The following PRKACB variants were observed in gnomAD, a reference collection of about 807,000 sequenced individuals.
PRKACB encodes the protein protein kinase cAMP-activated catalytic subunit beta, also known as cAMP-dependent protein kinase catalytic subunit beta.
A neutral mutation model predicts 51.4 loss-of-function variants in PRKACB; 16 were observed. The ratio of observed to expected loss-of-function variants is 0.31; its 90% CI spans 0.21 to 0.47. The LOEUF is 0.47. Ranked by LOEUF, PRKACB falls within the 20% of genes least tolerant of loss-of-function variation. PRKACB has a pLI of 1.00. For missense variants in PRKACB, 309 were observed against 464.5 expected (o/e 0.67, Z 3.08); for synonymous variants, 147 against 154.4 (o/e 0.95, Z 0.35).
chr1:84,140,140 A>G (rs1416423581), upstream of PRKACB, among the ~76,000 whole-genome samples: 2 of 152,232 alleles, frequency 1.3e-5, no homozygotes, highest in Non-Finnish European at 2.9e-5. Context: ...TCAAGACAGT[A>G]TAGTATTGGT....
chr1:84,115,549 G>C (rs1650564751), intron 1 of PRKACB, among the ~76,000 whole-genome samples: 1 of 151,080 alleles, frequency 6.6e-6, no homozygotes, highest in South Asian at 2.1e-4. Context: ...TTTGTCTATT[G>C]GTGTTTTTGT....
At chr1:84,093,285 C>T (rs1032624299) in intron 1 of PRKACB, among the ~76,000 whole-genome samples, 2 of 151,788 alleles carry the variant, frequency 1.3e-5, no homozygotes, top group African/African-American at 4.8e-5. Context: ...CTCTCTCTCT[C>T]TCTCTCTGTG....
At chr1:84,099,024 A>G (rs2100800750) in intron 1 of PRKACB, among the ~76,000 whole-genome samples, 1 of 152,248 alleles carries the variant, frequency 6.6e-6, no homozygotes, top group Non-Finnish European at 1.5e-5. Flanking sequence ...GAAATGGGCT[A>G]AGGGTATGAT....
intron 8 of PRKACB, among the ~76,000 whole-genome samples, chr1:84,210,852 G>A (rs1161973749): frequency 6.6e-6 from 1 of 151,976 alleles, no homozygotes; most frequent in Non-Finnish European, 1.5e-5. Flanking sequence ...TCTTTGAAAA[G>A]TTCAGTCAAC....
exon 1 of PRKACB, chr1:84,078,154 G>C: frequency 4.7e-6 from 3 of 636,046 alleles, no homozygotes; most frequent in Non-Finnish European, 7.5e-6. Context: ...GTTCGCTGGA[G>C]CCCTTTCCTC....
At chr1:84,219,100 C>T (rs1486670785) in intron 9 of PRKACB, among the ~76,000 whole-genome samples, 1 of 152,128 alleles carries the variant, frequency 6.6e-6, no homozygotes, top group Non-Finnish European at 1.5e-5. Flanking sequence ...TGTCTCTTTA[C>T]TCTTTTGAAT....
At position 84,184,027 on chromosome 1, in the gene PRKACB, TCA is replaced by T. The variant is rs763756044; in HGVS notation, c.379-9_379-8del. Reference sequence around the variant, plus strand: ...AAATACATTAAGAGATATTTATCTCTCAATTACAGGTTGTTAAACTGAAGCAA... The same window carrying T: ...AAATACATTAAGAGATATTTATCTCTATTACAGGTTGTTAAACTGAAGCAA... On this transcript the variant is annotated splice_polypyrimidine_tract_variant and splice_region_variant and intron_variant, in intron 3 of 9. Transcript: ENST00000370685. 5 of 1,566,460 alleles carry T rather than the reference TCA, an allele frequency of 3.2e-6. No homozygotes were observed. In the South Asian group the frequency reaches 6.2e-5, roughly 19 times the overall value.
At chr1:84,160,563 T>TAATAC (rs1656054646) in intron 1 of PRKACB, among the ~76,000 whole-genome samples, 1 of 147,584 alleles carries the variant, frequency 6.8e-6, no homozygotes. Flanking sequence ...ATATATAATA[T>TAATAC]AATACTATAA....
intron 1 of PRKACB, among the ~76,000 whole-genome samples, chr1:84,155,717 C>T (rs1156965112): frequency 3.3e-5 from 5 of 152,112 alleles, no homozygotes; most frequent in African/African-American, 7.2e-5. Context: ...TTGAATATTA[C>T]TTTCATGTCC....
intron 1 of PRKACB, among the ~76,000 whole-genome samples, chr1:84,147,801 G>C (rs1406758758): frequency 1.3e-5 from 2 of 151,980 alleles, no homozygotes; most frequent in African/African-American, 4.8e-5. Flanking sequence ...TGAACATTTA[G>C]AACTTACTTA....
intron 1 of PRKACB, among the ~76,000 whole-genome samples, chr1:84,085,100 A>C (rs533861531): frequency 6.6e-6 from 1 of 152,220 alleles, no homozygotes; most frequent in Non-Finnish European, 1.5e-5. Context: ...GATGAGAACA[A>C]TGTAACTTTT....
intron 1 of PRKACB, among the ~76,000 whole-genome samples, chr1:84,091,554 A>G (rs543729244): frequency 1.1e-4 from 17 of 151,908 alleles, no homozygotes; most frequent in Non-Finnish European, 5.9e-5. Flanking sequence ...CCCAGGCTGG[A>G]GTGCAGTGGT....
chr1:84,208,064 C>T lies in PRKACB; in HGVS notation c.906+5259C>T, dbSNP rs113961728. Among the ~76,000 whole-genome samples, 333 of 152,082 alleles carry T rather than the reference C, an allele frequency of 2.2e-3. 3 individuals carry two copies. The highest frequency in any genetic ancestry group is 7.6e-3 in the African/African-American group (317 of 41,544). On this transcript the variant is annotated intron_variant, in intron 8 of 9. Transcript: ENST00000370685. Reference sequence around the variant, plus strand: ...TGTGTTTTTAGTAGGGACAGGGTTTCACCATGTTGGCCAGGCTGGTTTTGA... The same window carrying T: ...TGTGTTTTTAGTAGGGACAGGGTTTTACCATGTTGGCCAGGCTGGTTTTGA...
chr1:84,156,010 A>G (rs1243638361), intron 1 of PRKACB, among the ~76,000 whole-genome samples: 1 of 152,022 alleles, frequency 6.6e-6, no homozygotes, highest in Non-Finnish European at 1.5e-5. Context: ...TTTTTTGGAG[A>G]CAGGGTCTTG....
intron 4 of PRKACB, among the ~76,000 whole-genome samples, chr1:84,184,503 G>A (rs1337520115): frequency 1.3e-5 from 2 of 151,604 alleles, no homozygotes; most frequent in African/African-American, 2.4e-5. Flanking sequence ...CTTTTACTTA[G>A]TAATTTGAGT....
chr1:84,096,749 A>G (rs1030464513), intron 1 of PRKACB, among the ~76,000 whole-genome samples: 1 of 152,040 alleles, frequency 6.6e-6, no homozygotes, highest in Non-Finnish European at 1.5e-5. Context: ...TTCTTTTTGT[A>G]AATCTGTGCA....
At chr1:84,205,342 GTC>G in intron 8 of PRKACB, 3 of 910,700 alleles carry the variant, frequency 3.3e-6, no homozygotes, top group Non-Finnish European at 3.9e-6. Flanking sequence ...AAATATTATT[GTC>G]TCTCTGGTTA....
At chr1:84,175,078 A>C in intron 1 of PRKACB, 3 of 1,437,836 alleles carry the variant, frequency 2.1e-6, no homozygotes, top group Non-Finnish European at 2.7e-6. Flanking sequence ...CTTTTTAATA[A>C]AACAAATATT....
intron 8 of PRKACB, among the ~76,000 whole-genome samples, chr1:84,212,939 A>G (rs1317828373): frequency 6.6e-6 from 1 of 152,200 alleles, no homozygotes; most frequent in Non-Finnish European, 1.5e-5. Flanking sequence ...ACTATAGCAT[A>G]GTTGAATAAA....
Sources: allele counts gnomAD v4.1 joint callset (sites outside exome capture counted in the v4.1 genomes callset), GRCh38; gene constraint gnomAD v4.1.1; transcripts MANE v1.5; gene names NCBI Gene and HGNC (gene_info 2026-07-23, HGNC 2026-07-21).